QTGAL: variants seen among roughly 807,000 people sequenced by gnomAD.
QTGAL encodes BGnT-like protein 1.
At chr17:83,022,122 G>T in the QTGAL span, among the ~76,000 whole-genome samples, 1 of 152,262 alleles carries the variant, frequency 6.6e-6, no homozygotes, top group Non-Finnish European at 1.5e-5. Context: ...CTTTGGGGCA[G>T]ACAAAGGTTT....
At chr17:83,048,608 C>T in the QTGAL span, 2 of 1,606,524 alleles carry the variant, frequency 1.2e-6, no homozygotes, top group Admixed American at 1.7e-5. Flanking sequence ...AAACTTCCCT[C>T]CGAACAGTCA....
chr17:83,048,776 GGAT>G, the QTGAL span: 1 of 1,612,722 alleles, frequency 6.2e-7, no homozygotes, highest in Non-Finnish European at 8.5e-7. Flanking sequence ...TGGACTGGGA[GGAT>G]AATAGACTGG....
the QTGAL span, chr17:82,946,941 G>T: frequency 1.3e-6 from 2 of 1,570,374 alleles, no homozygotes. Flanking sequence ...TCCTGCAAGT[G>T]CAGTGACCTC....
chr17:83,014,446 G>A, the QTGAL span: 1 of 1,613,826 alleles, frequency 6.2e-7, no homozygotes, highest in South Asian at 1.1e-5. Context: ...AAGGAGGCCA[G>A]TACTTACGCT....
At chr17:82,943,937 G>A in the QTGAL span, 1 of 152,258 alleles carries the variant, frequency 6.6e-6, no homozygotes, top group South Asian at 2.1e-4. Context: ...AGTGGAAAAG[G>A]CTTGGCTCCT....
chr17:83,019,455 C>A, the QTGAL span, among the ~76,000 whole-genome samples: 15 of 152,110 alleles, frequency 9.9e-5, no homozygotes, highest in African/African-American at 3.6e-4. Context: ...CATGAAAGGA[C>A]AAATATTGTC....
the QTGAL span, among the ~76,000 whole-genome samples, chr17:82,970,648 T>TGTGGACACGACCTCCCCACCCAGC: frequency 3.0e-5 from 1 of 33,536 alleles, no homozygotes; most frequent in African/African-American, 1.3e-4. Flanking sequence ...CCGCACCCGG[T>TGTGGACACGACCTCCCCACCCAGC]GTGGCCGCGA....
chr17:82,942,510 T>C, the QTGAL span: 1 of 1,613,760 alleles, frequency 6.2e-7, no homozygotes. Context: ...TGAGGATGTC[T>C]TGTTCCTGAG....
chr17:83,024,551 T>C, the QTGAL span, among the ~76,000 whole-genome samples: 2 of 152,248 alleles, frequency 1.3e-5, no homozygotes, highest in African/African-American at 2.4e-5. Context: ...GTGTCCTGTG[T>C]AGAGACCGGG....
chr17:82,943,804 T>C, the QTGAL span: 7 of 152,246 alleles, frequency 4.6e-5, no homozygotes, highest in African/African-American at 1.7e-4. Flanking sequence ...TTACGAGATT[T>C]AAATATTTTA....
At chr17:83,005,764 A>T in the QTGAL span, 1 of 878,896 alleles carries the variant, frequency 1.1e-6, no homozygotes, top group Non-Finnish European at 1.7e-6. The surrounding 1 kb of genome is among the most constrained non-coding windows in gnomAD (Gnocchi z 5.6). Context: ...GCCTCAGGTG[A>T]CATCCTGTCA....
At chr17:83,044,018 C>CA in the QTGAL span, among the ~76,000 whole-genome samples, 1 of 152,012 alleles carries the variant, frequency 6.6e-6, no homozygotes, top group Admixed American at 6.6e-5. Context: ...AAACTCCCAA[C>CA]AAAAAAGCCC....
chr17:82,965,660 C>T, the QTGAL span: 455,948 of 1,606,898 alleles, frequency 0.28, 67,191 homozygotes, highest in East Asian at 0.39. Context: ...CCTGACCTCC[C>T]TCGTTAAAGG....
At chr17:83,006,027 C>T in the QTGAL span, 5 of 1,037,708 alleles carry the variant, frequency 4.8e-6, no homozygotes, top group East Asian at 8.6e-5. The surrounding 1 kb of genome is among the most constrained non-coding windows in gnomAD (Gnocchi z 5.8). Context: ...TGGGCGCGTC[C>T]GTAGGAAACA....
chr17:83,026,858 A>G, the QTGAL span, among the ~76,000 whole-genome samples: 6 of 122,762 alleles, frequency 4.9e-5, no homozygotes, highest in African/African-American at 7.0e-5. Context: ...CGACAGACAC[A>G]CAGAGCGGGG....
At chr17:82,946,305 A>C in the QTGAL span, among the ~76,000 whole-genome samples, 2 of 152,266 alleles carry the variant, frequency 1.3e-5, no homozygotes, top group African/African-American at 4.8e-5. Flanking sequence ...TTAATGACAA[A>C]GTTCTCCAGT....
chr17:83,000,160 A>T, the QTGAL span, among the ~76,000 whole-genome samples: 2 of 151,964 alleles, frequency 1.3e-5, no homozygotes, highest in East Asian at 3.9e-4. Flanking sequence ...ACGGGGTTTC[A>T]CCATCTTGGC....
the QTGAL span, among the ~76,000 whole-genome samples, chr17:82,980,334 G>C: frequency 1.3e-5 from 2 of 152,302 alleles, no homozygotes; most frequent in East Asian, 1.9e-4. Context: ...GTGCGGGTCT[G>C]TTCTCCATAC....
chr17:82,947,582 C>T, the QTGAL span: 1 of 152,782 alleles, frequency 6.5e-6, no homozygotes. Flanking sequence ...CAGACGTGCC[C>T]TGCACCCCAG....
Sources: allele counts gnomAD v4.1 joint callset (sites outside exome capture counted in the v4.1 genomes callset), GRCh38; gene constraint gnomAD v4.1.1; non-coding constraint Gnocchi (gnomAD v3.1); transcripts MANE v1.5; gene names NCBI Gene and HGNC (gene_info 2026-07-23, HGNC 2026-07-21).